The following ZNF804B variants were observed in gnomAD, a reference collection of about 807,000 sequenced individuals.
The protein encoded by ZNF804B is zinc finger protein 804B, also known as zinc finger 804B.
In ZNF804B, 80 loss-of-function variants were observed where a neutral mutation model predicts 101.4. The observed-to-expected ratio is 0.79, with a 90% CI of 0.66 to 0.95. The LOEUF is 0.95. Ranked by LOEUF, ZNF804B falls within the 40% of genes least tolerant of loss-of-function variation. The pLI is 0.00. For synonymous variants in ZNF804B, 622 were observed against 558.8 expected (o/e 1.11, Z -1.59); for missense variants, 1,673 against 1,561.9 (o/e 1.07, Z -1.20).
chr7:89,088,522 C>T (rs1340018755), intron 1 of ZNF804B, among the ~76,000 whole-genome samples: 1 of 150,818 alleles, frequency 6.6e-6, no homozygotes, highest in Admixed American at 6.6e-5. Context: ...TGAGTAAAGG[C>T]CCCATGTAAT....
chr7:88,801,702 T>A (rs1395034377), intron 1 of ZNF804B, among the ~76,000 whole-genome samples: 1 of 151,946 alleles, frequency 6.6e-6, no homozygotes, highest in African/African-American at 2.4e-5. Context: ...GAAAAAATTT[T>A]AAAAAAGAAA....
At chr7:88,862,868 C>G (rs1301530137) in intron 1 of ZNF804B, among the ~76,000 whole-genome samples, 1 of 152,152 alleles carries the variant, frequency 6.6e-6, no homozygotes, top group African/African-American at 2.4e-5. Context: ...TTTGCTTCCA[C>G]TCCTGTCTCA....
At chr7:88,994,431 T>C (rs1793891071) in intron 1 of ZNF804B, among the ~76,000 whole-genome samples, 2 of 152,216 alleles carry the variant, frequency 1.3e-5, no homozygotes, top group South Asian at 4.1e-4. Context: ...GTTTTTCAGC[T>C]ATTTCATGAC....
intron 2 of ZNF804B, among the ~76,000 whole-genome samples, chr7:89,220,024 T>TATATATGCACACATATATGTGTGTATAC (rs1788968954): frequency 1.8e-5 from 2 of 113,504 alleles, no homozygotes; most frequent in Non-Finnish European, 1.8e-5. Flanking sequence ...TGTGTATACA[T>TATATATGCACACATATATGTGTGTATAC]ATATATACGC....
At chr7:89,055,087 G>A (rs534752039) in intron 1 of ZNF804B, among the ~76,000 whole-genome samples, 1 of 152,106 alleles carries the variant, frequency 6.6e-6, no homozygotes, top group Non-Finnish European at 1.5e-5. Context: ...GTGATGTTAA[G>A]TGTTGACTTA....
chr7:89,154,874 A>T lies in ZNF804B; in HGVS notation c.109-63281A>T, dbSNP rs142037849. ...AAAATAACTACAATAGTATAAATAT[A>T]CATTTAAAAAATCCTGTAATTGTGT... is the stretch of plus-strand genomic sequence containing the variant. On this transcript the variant is annotated intron_variant, in intron 1 of 3. Coordinates refer to ENST00000333190, the MANE Select transcript of ZNF804B (RefSeq NM_181646.5). Among the ~76,000 whole-genome samples the T allele has an allele frequency of 4.5e-3, 678 of 152,166 alleles. 8 individuals carry two copies. Among genetic ancestry groups the T allele is most frequent in the African/African-American group, 0.015 (639 of 41,530 alleles).
intron 1 of ZNF804B, among the ~76,000 whole-genome samples, chr7:89,217,176 TAGAATTAAAG>T (rs1432848752): frequency 6.6e-6 from 1 of 152,112 alleles, no homozygotes; most frequent in Non-Finnish European, 1.5e-5. Flanking sequence ...TATCTGGTAA[TAGAATTAAAG>T]AGGAAAATAT....
chr7:89,255,303 C>A (rs1488721948), intron 2 of ZNF804B, among the ~76,000 whole-genome samples: 2 of 152,182 alleles, frequency 1.3e-5, no homozygotes, highest in Non-Finnish European at 2.9e-5. Flanking sequence ...TGGTCCTGCC[C>A]TTGACACATG....
At chr7:89,220,033 GCACATATATGTGCA>G in intron 2 of ZNF804B, among the ~76,000 whole-genome samples, 1 of 60,840 alleles carries the variant, frequency 1.6e-5, no homozygotes, top group African/African-American at 6.7e-5. Flanking sequence ...ATATATATAC[GCACATATATGTGCA>G]TATATACATA....
intron 2 of ZNF804B, among the ~76,000 whole-genome samples, chr7:89,278,525 G>A (rs1168147085): frequency 1.3e-5 from 2 of 151,818 alleles, no homozygotes; most frequent in African/African-American, 2.4e-5. Context: ...ATTGATTTTT[G>A]TATAAGGTGT....
At chr7:89,166,901 T>C (rs1448904489) in intron 1 of ZNF804B, among the ~76,000 whole-genome samples, 1 of 152,190 alleles carries the variant, frequency 6.6e-6, no homozygotes, top group Non-Finnish European at 1.5e-5. Context: ...TATCCAGTTA[T>C]GAATTAATAC....
intron 1 of ZNF804B, among the ~76,000 whole-genome samples, chr7:88,788,366 C>T (rs1334734342): frequency 6.6e-6 from 1 of 152,096 alleles, no homozygotes; most frequent in African/African-American, 2.4e-5. Context: ...CTTCAACACA[C>T]CAAGCTTGCT....
intron 2 of ZNF804B, among the ~76,000 whole-genome samples, chr7:89,266,069 CAGAG>C (rs1365540800): frequency 2.0e-5 from 3 of 152,226 alleles, no homozygotes; most frequent in Non-Finnish European, 4.4e-5. Flanking sequence ...CATAATTTAT[CAGAG>C]AATTTGAGGT....
rs1435163150 is a variant in ZNF804B at position 88,778,570 on chromosome 7, A to G, written c.108+18486A>G. Among the ~76,000 whole-genome samples the G allele has an allele frequency of 7.2e-5, 11 of 152,264 alleles. 1 individual carries two copies. Among genetic ancestry groups the G allele is most frequent in the Admixed American group, 5.9e-4 (9 of 15,278 alleles). ...TCTTTAAAACAAAATTACTCTTCCA[A>G]CAAATATTCTTCCCCCTTGGTTGGG... On this transcript the variant is annotated intron_variant, in intron 1 of 3. Coordinates refer to ENST00000333190, the MANE Select transcript of ZNF804B (RefSeq NM_181646.5).
intron 1 of ZNF804B, among the ~76,000 whole-genome samples, chr7:88,970,711 G>A (rs1378741655): frequency 6.7e-6 from 1 of 149,166 alleles, no homozygotes; most frequent in East Asian, 2.0e-4. Flanking sequence ...GCAAACTATC[G>A]CAAGGACAAA....
At chr7:88,885,070 T>C (rs1484335836) in intron 1 of ZNF804B, among the ~76,000 whole-genome samples, 1 of 151,964 alleles carries the variant, frequency 6.6e-6, no homozygotes, top group African/African-American at 2.4e-5. Flanking sequence ...AATGCATATA[T>C]AATTTGTATC....
At chr7:89,233,466 T>G (rs1789230264) in intron 2 of ZNF804B, among the ~76,000 whole-genome samples, 2 of 152,208 alleles carry the variant, frequency 1.3e-5, no homozygotes, top group South Asian at 4.1e-4. Context: ...ATTTGATATT[T>G]TCTTGAGAAG....
At chr7:88,801,465 G>A (rs1280484402) in intron 1 of ZNF804B, among the ~76,000 whole-genome samples, 1 of 152,102 alleles carries the variant, frequency 6.6e-6, no homozygotes, top group Non-Finnish European at 1.5e-5. Flanking sequence ...AGGAATTGGA[G>A]ATGGGAAATA....
At chr7:88,817,702 C>A (rs909571090) in intron 1 of ZNF804B, among the ~76,000 whole-genome samples, 1 of 152,008 alleles carries the variant, frequency 6.6e-6, no homozygotes, top group Admixed American at 6.6e-5. Context: ...ACTAATAAAC[C>A]AATATTATGG....
Sources: gnomAD v4.1 joint callset for allele counts (sites outside exome capture counted in the v4.1 genomes callset) on GRCh38, gnomAD v4.1.1 for gene constraint, MANE v1.5 for transcripts, NCBI Gene and HGNC (gene_info 2026-07-23, HGNC 2026-07-21) for gene names.